BMPER: variants seen among roughly 807,000 people sequenced by gnomAD.
BMPER encodes the protein BMP-binding endothelial regulator protein.
In BMPER, 45 loss-of-function variants were observed where a neutral mutation model predicts 87.3. The ratio of observed to expected loss-of-function variants is 0.52; its 90% confidence interval spans 0.41 to 0.66. The LOEUF (loss-of-function observed/expected upper bound fraction) is 0.66, where lower values mean the gene tolerates loss of function less well. Among genes scored for constraint, BMPER ranks in the 30% least tolerant of loss-of-function variants. The pLI is 0.00. For synonymous variants in BMPER, 326 were observed against 316.2 expected, an observed-to-expected ratio of 1.03 and a Z score of -0.33; for missense variants, 784 against 867.5, an observed-to-expected ratio of 0.90 and a Z score of 1.21.
intron 13 of BMPER, among the ~76,000 whole-genome samples, chr7:34,124,754 T>C (rs945233289): frequency 2.6e-5 from 4 of 152,288 alleles, no homozygotes; most frequent in African/African-American, 9.6e-5. Flanking sequence ...GACATACCTC[T>C]GATATTTCAT....
chr7:34,138,992 C>T (rs183724224), intron 13 of BMPER, among the ~76,000 whole-genome samples: 49 of 152,318 alleles, frequency 3.2e-4, no homozygotes, highest in African/African-American at 1.2e-3. Flanking sequence ...GGACAACGAT[C>T]TTCCATAAAC....
At chr7:33,993,051 T>G (rs1786275509) in intron 6 of BMPER, among the ~76,000 whole-genome samples, 1 of 135,238 alleles carries the variant, frequency 7.4e-6, no homozygotes, top group South Asian at 2.6e-4. Flanking sequence ...GCCCTTAACA[T>G]TTTTTCCTTC....
intron 13 of BMPER, among the ~76,000 whole-genome samples, chr7:34,094,075 A>G (rs902383204): frequency 5.3e-5 from 8 of 152,180 alleles, no homozygotes; most frequent in Non-Finnish European, 1.0e-4. Flanking sequence ...ATCAGAGAAC[A>G]GTCAGAGTGT....
chr7:34,111,307 A>G (rs553500220), intron 13 of BMPER, among the ~76,000 whole-genome samples: 8 of 152,360 alleles, frequency 5.3e-5, no homozygotes, highest in South Asian at 2.1e-4. Context: ...TTGCCCATCA[A>G]TGGCCCTGCA....
chr7:34,050,416 G>C (rs925802652), intron 7 of BMPER, among the ~76,000 whole-genome samples: 4 of 152,062 alleles, frequency 2.6e-5, no homozygotes, highest in African/African-American at 9.7e-5. Context: ...GTTTGCTCTT[G>C]GTGGTGAGAA....
chr7:34,122,031 G>T (rs1278580534), intron 13 of BMPER, among the ~76,000 whole-genome samples: 1 of 149,374 alleles, frequency 6.7e-6, no homozygotes, highest in Non-Finnish European at 1.5e-5. Context: ...GCTGAAGTGG[G>T]AGGATTGCTT....
rs935877319 is a variant in BMPER, at chr7:33,928,737, G to T, written c.220-8552G>T. Among the ~76,000 whole-genome samples the T allele has an allele frequency of 2.0e-5, 3 of 149,940 alleles. 1 individual carries two copies. In the South Asian group the frequency reaches 6.4e-4, roughly 32 times the overall value. ...AACTAAAGCCCATTAAAAAAAAATG[G>T]AATAGTTAGGTAACGTAAATATCAG... On this transcript the variant is annotated intron_variant, in intron 2 of 14. Transcript: ENST00000649409.
At chr7:33,952,696 C>A (rs1343954428) in intron 3 of BMPER, among the ~76,000 whole-genome samples, 3 of 152,146 alleles carry the variant, frequency 2.0e-5, no homozygotes, top group Non-Finnish European at 4.4e-5. Flanking sequence ...GATCATGATG[C>A]TGAATGGTAA....
intron 3 of BMPER, among the ~76,000 whole-genome samples, chr7:33,963,612 G>A (rs1315082847): frequency 1.3e-5 from 2 of 152,012 alleles, no homozygotes; most frequent in African/African-American, 4.8e-5. Context: ...TGGCCAACAT[G>A]GTGAAACCCT....
At chr7:34,067,688 C>G (rs1055770399) in intron 11 of BMPER, among the ~76,000 whole-genome samples, 3 of 152,134 alleles carry the variant, frequency 2.0e-5, no homozygotes, top group Admixed American at 6.5e-5. Context: ...CATCTGGAGT[C>G]GGGCTTGACA....
chr7:34,153,256 C>G lies in BMPER; in HGVS notation c.2041C>G (p.Leu681Val), dbSNP rs1389546649. ...LHKGRCIKPV[L>V]CPQR ...CAAGGGAAGGTGCATCAAGCCAGTC[C>G]TTTGTCCCCAGCGGTGACCTTTGTT... The change falls in exon 15 of 15, where the codon CTT becomes GTT. Residue 681 changes from leucine (L) to valine (V), a missense_variant. Leu to Val is a conservative substitution (Grantham distance 32). Transcript: ENST00000649409. 3.1e-6 allele frequency: 5 copies of G among 1,614,032 alleles called. No individual in the cohort carries two copies. Among genetic ancestry groups the G allele is most frequent in the Non-Finnish European group, 4.2e-6 (5 of 1,179,972 alleles).
intron 2 of BMPER, among the ~76,000 whole-genome samples, chr7:33,936,257 G>A (rs189121019): frequency 5.9e-5 from 9 of 152,234 alleles, no homozygotes; most frequent in East Asian, 3.9e-4. Flanking sequence ...GAGCAGAGCC[G>A]GCCAGTTGCT....
intron 5 of BMPER, among the ~76,000 whole-genome samples, chr7:33,972,960 G>A (rs1032847902): frequency 3.9e-4 from 60 of 152,172 alleles, no homozygotes; most frequent in Admixed American, 2.0e-4. Flanking sequence ...GAAGCCTTGG[G>A]TATCTTCCTT....
At chr7:33,996,650 A>G (rs1786420062) in intron 6 of BMPER, among the ~76,000 whole-genome samples, 1 of 152,246 alleles carries the variant, frequency 6.6e-6, no homozygotes, top group South Asian at 2.1e-4. Context: ...ACTGTCTGGT[A>G]GAAATATGGT....
intron 3 of BMPER, among the ~76,000 whole-genome samples, chr7:33,960,972 G>A (rs957969481): frequency 2.0e-5 from 3 of 152,188 alleles, no homozygotes; most frequent in Non-Finnish European, 4.4e-5. Flanking sequence ...GCTTCCTAGA[G>A]ACTATGATTT....
At chr7:33,977,031 C>A (rs777913443) in intron 6 of BMPER, among the ~76,000 whole-genome samples, 1 of 152,144 alleles carries the variant, frequency 6.6e-6, no homozygotes, top group Admixed American at 6.5e-5. Flanking sequence ...ACTCAAAGGG[C>A]AACTAATGAC....
chr7:33,954,732 C>T, intron 3 of BMPER, among the ~76,000 whole-genome samples: 1 of 152,302 alleles, frequency 6.6e-6, no homozygotes, highest in East Asian at 1.9e-4. Context: ...CTACAGCTCC[C>T]ATGAGTGCCT....
intron 2 of BMPER, among the ~76,000 whole-genome samples, chr7:33,936,500 T>C (rs1784605784): frequency 1.3e-5 from 2 of 152,256 alleles, no homozygotes; most frequent in Non-Finnish European, 1.5e-5. Flanking sequence ...CCACATCAGC[T>C]AGCATGTGGT....
intron 9 of BMPER, among the ~76,000 whole-genome samples, chr7:34,057,442 G>A (rs1299792138): frequency 6.6e-6 from 1 of 152,146 alleles, no homozygotes; most frequent in Non-Finnish European, 1.5e-5. Flanking sequence ...AAGAGGAGAG[G>A]ACTAGATAGG....
Sources: gnomAD v4.1 joint callset for allele counts (sites outside exome capture counted in the v4.1 genomes callset) on GRCh38, gnomAD v4.1.1 for gene constraint, MANE v1.5 for transcripts, NCBI Gene and HGNC (gene_info 2026-07-23, HGNC 2026-07-21) for gene names.